RBM20: variants seen among roughly 807,000 people sequenced by gnomAD.
RBM20 encodes the protein RNA binding motif protein 20, also known as RNA-binding protein 20.
In RBM20, 51 loss-of-function variants were observed where a neutral mutation model predicts 110.1. The observed-to-expected ratio is 0.46, with a 90% CI of 0.37 to 0.59. The LOEUF (loss-of-function observed/expected upper bound fraction) is 0.59. Ranked by LOEUF, RBM20 falls within the 20% of genes least tolerant of loss-of-function variation. RBM20 has a pLI of 0.00. For synonymous variants in RBM20, 589 were observed against 618.2 expected (o/e 0.95, Z 0.70); for missense variants, 1,512 against 1,574.9 (o/e 0.96, Z 0.68).
chr10:110,710,741 C>T (rs73356905), intron 1 of RBM20, among the ~76,000 whole-genome samples: 2 of 152,158 alleles, frequency 1.3e-5, no homozygotes, highest in African/African-American at 2.4e-5. Context: ...TAGACACGTG[C>T]GTCATCAGGA....
chr10:110,661,680 T>C (rs1862104099), intron 1 of RBM20, among the ~76,000 whole-genome samples: 1 of 152,130 alleles, frequency 6.6e-6, no homozygotes, highest in Non-Finnish European at 1.5e-5. Context: ...TGTATTCATA[T>C]TTGCTTCAGT....
At position 110,714,699 on chromosome 10, in the gene RBM20, T is replaced by G. The variant is rs564211480; in HGVS notation, c.192-66102T>G. On this transcript the variant is annotated intron_variant, in intron 1 of 13. Transcript: ENST00000369519. ...TAGGAGCAGCAGATAGAGTACCAGG[T>G]GAGGCAGTCCTTCCTGGTTGTCCTC... Among the ~76,000 whole-genome samples the G allele has an allele frequency of 2.0e-5, 3 of 152,324 alleles. No homozygotes were observed. The South Asian group carries it at 6.2e-4, about 32-fold the overall frequency.
At chr10:110,721,449 G>A (rs893117319) in intron 1 of RBM20, among the ~76,000 whole-genome samples, 1 of 152,154 alleles carries the variant, frequency 6.6e-6, no homozygotes, top group Non-Finnish European at 1.5e-5. Flanking sequence ...TGTGAATGCC[G>A]TTTCCCATGG....
intron 1 of RBM20, among the ~76,000 whole-genome samples, chr10:110,752,920 C>CATATATATAT (rs760317651): frequency 2.5e-4 from 31 of 125,180 alleles, no homozygotes; most frequent in African/African-American, 9.6e-4. Context: ...TATATTTATA[C>CATATATATAT]ATATATATAT....
chr10:110,712,221 T>A (rs1358122127), intron 1 of RBM20, among the ~76,000 whole-genome samples: 1 of 152,242 alleles, frequency 6.6e-6, no homozygotes, highest in Non-Finnish European at 1.5e-5. Flanking sequence ...AGTTCATGTA[T>A]GGTTTTCAGG....
chr10:110,751,502 T>C lies in RBM20; in HGVS notation c.192-29299T>C, dbSNP rs566402582. The stretch of plus-strand genomic sequence containing the variant: ...CCTAAAAGAGAAATGACCCCAGTCC[T>C]TGCCTTTCCTACACATAAAATAATG... On this transcript the variant is annotated intron_variant, in intron 1 of 13. Coordinates refer to ENST00000369519, the MANE Select transcript of RBM20 (RefSeq NM_001134363.3). Among the ~76,000 whole-genome samples the C allele has an allele frequency of 2.3e-4, 35 of 152,368 alleles. 1 individual carries two copies. The South Asian group carries it at 3.9e-3, about 17-fold the overall frequency.
chr10:110,821,388 A>G lies in RBM20; in HGVS notation c.2769A>G (p.Glu923=), dbSNP rs1404368745. The G allele has an allele frequency of 1.9e-6, 3 of 1,551,784 alleles. No homozygotes were observed. The highest frequency in any genetic ancestry group is 8.7e-7 in the Non-Finnish European group (1 of 1,147,012). ...EVGEEEDFIV[E]PDIPELEEIV... is the part of the protein sequence containing the mutation. Reference sequence around the variant, plus strand: ...GGGAAGAAGAAGATTTTATCGTGGAACCAGACATCCCAGAGCTGGAAGAAA... The same window carrying G: ...GGGAAGAAGAAGATTTTATCGTGGAGCCAGACATCCCAGAGCTGGAAGAAA... The change falls in exon 11 of 14, where the codon GAA becomes GAG. Residue 923 remains glutamate (E), a synonymous_variant. Transcript: ENST00000369519.
In RBM20 at chr10:110,784,305, AT is replaced by A. The variant is rs1350464025; in HGVS notation, c.1338-34del. The A allele has an allele frequency of 6.2e-6, 9 of 1,447,818 alleles. No homozygotes were observed. In the Middle Eastern group the frequency reaches 6.3e-4, roughly 101 times the overall value. 89.7% of individuals were successfully genotyped at this position (1,447,818 alleles called of 1,614,324 possible). The stretch of plus-strand genomic sequence containing the variant: ...CACATGCTAATTCTTTGTTTAACTT[AT>A]TAAGGAGCCGGTTTCCCTTTCTCGC... On this transcript the variant is annotated intron_variant, in intron 3 of 13. Transcript: ENST00000369519.
At chr10:110,659,661 A>C (rs1340740533) in intron 1 of RBM20, among the ~76,000 whole-genome samples, 1 of 152,168 alleles carries the variant, frequency 6.6e-6, no homozygotes, top group Non-Finnish European at 1.5e-5. Context: ...TCTCAAAAAA[A>C]AGTTTCTAAG....
chr10:110,694,730 G>A (rs1206221424), intron 1 of RBM20, among the ~76,000 whole-genome samples: 1 of 152,094 alleles, frequency 6.6e-6, no homozygotes, highest in Non-Finnish European at 1.5e-5. Flanking sequence ...CAGCAAACTG[G>A]ATTATACCAT....
At chr10:110,708,785 G>A (rs998413151) in intron 1 of RBM20, among the ~76,000 whole-genome samples, 4 of 152,180 alleles carry the variant, frequency 2.6e-5, no homozygotes, top group Non-Finnish European at 5.9e-5. Flanking sequence ...TCTGGAAGGT[G>A]GTGTTGGGGC....
In RBM20 at chr10:110,749,554, A is replaced by T. The variant is rs139072312; in HGVS notation, c.192-31247A>T. The stretch of plus-strand genomic sequence containing the variant: ...AAGTGTCTCATTGAAGACAATTCCA[A>T]TAAATATCCCAACAGGATTTATCTT... On this transcript the variant is annotated intron_variant, in intron 1 of 13. Transcript: ENST00000369519. Among the ~76,000 whole-genome samples, 380 of 152,352 alleles carry T rather than the reference A, an allele frequency of 2.5e-3. 2 individuals are homozygous for T. Among genetic ancestry groups the T allele is most frequent in the African/African-American group, 8.3e-3 (346 of 41,590 alleles).
At chr10:110,754,242 A>C (rs1439450401) in intron 1 of RBM20, among the ~76,000 whole-genome samples, 1 of 152,172 alleles carries the variant, frequency 6.6e-6, no homozygotes, top group Non-Finnish European at 1.5e-5. Context: ...CTTTTAAGAT[A>C]ATCTGTATAT....
intron 1 of RBM20, among the ~76,000 whole-genome samples, chr10:110,658,625 T>C (rs1294468171): frequency 1.3e-5 from 2 of 152,096 alleles, no homozygotes; most frequent in East Asian, 3.9e-4. Flanking sequence ...TCCTGCTGGA[T>C]TGGGCTCCAC....
chr10:110,831,684 A>AAAAAC (rs1554844419), intron 13 of RBM20, among the ~76,000 whole-genome samples: 1 of 150,800 alleles, frequency 6.6e-6, no homozygotes, highest in African/African-American at 2.4e-5. Flanking sequence ...AAAAAAAAAA[A>AAAAAC]AAAAAAACAC....
chr10:110,743,803 A>G (rs1278629879), intron 1 of RBM20, among the ~76,000 whole-genome samples: 2 of 152,088 alleles, frequency 1.3e-5, no homozygotes, highest in African/African-American at 4.8e-5. Context: ...TTTAGTAGAG[A>G]TGGGGTTTCA....
At chr10:110,772,257 G>A (rs967669804) in intron 1 of RBM20, among the ~76,000 whole-genome samples, 25 of 152,256 alleles carry the variant, frequency 1.6e-4, no homozygotes, top group African/African-American at 6.0e-4. Flanking sequence ...AAGTATTTTT[G>A]GTATTTCATT....
At chr10:110,744,844 T>A (rs1843759819) in intron 1 of RBM20, among the ~76,000 whole-genome samples, 1 of 152,234 alleles carries the variant, frequency 6.6e-6, no homozygotes, top group Non-Finnish European at 1.5e-5. Context: ...ATCTTGGTCC[T>A]TTGCTTGGCT....
At chr10:110,795,651 G>A (rs11195327) in intron 5 of RBM20, among the ~76,000 whole-genome samples, 25,194 of 152,164 alleles carry the variant, frequency 0.17, 2,626 homozygotes, top group East Asian at 0.53. Flanking sequence ...AGATGTAGAA[G>A]TTCAGTTTAA....
Sources: allele counts gnomAD v4.1 joint callset (sites outside exome capture counted in the v4.1 genomes callset), GRCh38; gene constraint gnomAD v4.1.1; transcripts MANE v1.5; gene names NCBI Gene and HGNC (gene_info 2026-07-23, HGNC 2026-07-21).